TRPM6: variants seen among roughly 807,000 people sequenced by gnomAD.
TRPM6 encodes the protein transient receptor potential cation channel subfamily M member 6.
TRPM6 carries 111 observed loss-of-function variants against 247.6 expected under a neutral mutation model. That is an observed-to-expected ratio of 0.45 (90% CI 0.38 to 0.52). TRPM6 has a LOEUF of 0.52. Ranked by LOEUF, TRPM6 falls within the 20% of genes least tolerant of loss-of-function variation. The pLI is 0.00. For synonymous variants in TRPM6, 892 were observed against 853.8 expected (o/e 1.04, Z -0.78); for missense variants, 2,126 against 2,421.5 (o/e 0.88, Z 2.56).
intron 32 of TRPM6, 136 bp downstream of exon 32, chr9:74,743,959 T>C: frequency 1.2e-6 from 1 of 845,992 alleles, no homozygotes; most frequent in South Asian, 1.5e-5. Context: ...GGAATGTTCT[T>C]CCCATCAAAG....
At chr9:74,845,544 A>G (rs1830082386) in intron 3 of TRPM6, among the ~76,000 whole-genome samples, 1 of 152,194 alleles carries the variant, frequency 6.6e-6, no homozygotes, top group African/African-American at 2.4e-5. Flanking sequence ...ACAAAAAGAT[A>G]AACAGGCCAA....
rs1587516098 is a variant in TRPM6, at chr9:74,796,986, A to G, written c.2239-93T>C. 3.5e-6 allele frequency: 4 copies of G among 1,148,290 alleles called. No homozygotes were observed. In the East Asian group the frequency reaches 1.0e-4, roughly 29 times the overall value. The allele number at this position is 1,148,290 out of a possible 1,614,324, so 71.1% of individuals were successfully genotyped here. On this transcript the variant is annotated intron_variant, in intron 17 of 38. Transcript: ENST00000360774. ...AATTAAGAATTTCAGTGTATATAAA[A>G]TGCCAGACCCATCCCAGTCAATTTT...
intron 31 of TRPM6, among the ~76,000 whole-genome samples, chr9:74,745,123 A>G (rs1825991287): frequency 6.6e-6 from 1 of 152,264 alleles, no homozygotes; most frequent in Non-Finnish European, 1.5e-5. Context: ...ATACAGTTAA[A>G]GTAATATACG....
At chr9:74,828,312 C>T (rs7873787) in intron 6 of TRPM6, among the ~76,000 whole-genome samples, 2 of 151,930 alleles carry the variant, frequency 1.3e-5, no homozygotes, top group African/African-American at 2.4e-5. Flanking sequence ...GGTGAGATCG[C>T]GCCACTGCAC....
At chr9:74,763,904 C>T (rs1826739147) in intron 25 of TRPM6, among the ~76,000 whole-genome samples, 2 of 152,116 alleles carry the variant, frequency 1.3e-5, no homozygotes, top group Admixed American at 1.3e-4. Context: ...CCTGTAATCC[C>T]AGCACTGTGG....
chr9:74,857,792 G>A (rs1830572399), intron 2 of TRPM6: 1 of 152,188 alleles, frequency 6.6e-6, no homozygotes, highest in Non-Finnish European at 1.5e-5. Context: ...AAAGTCTATG[G>A]AAGGAAAACG....
intron 13 of TRPM6, among the ~76,000 whole-genome samples, 191 bp from the exon 14 acceptor site, chr9:74,808,365 C>G (rs1277914798): frequency 6.6e-6 from 1 of 152,152 alleles, no homozygotes; most frequent in Non-Finnish European, 1.5e-5. Context: ...ATATCTTAGC[C>G]TTAATGTTTT....
intron 3 of TRPM6, among the ~76,000 whole-genome samples, chr9:74,842,820 T>C (rs1047102457): frequency 2.0e-5 from 3 of 152,220 alleles, no homozygotes; most frequent in African/African-American, 4.8e-5. Flanking sequence ...TTGTAATCTA[T>C]GTGCTGGTGA....
chr9:74,830,384 G>GTTTTGTTTTTTTTTGT, intron 6 of TRPM6, among the ~76,000 whole-genome samples: 1 of 150,398 alleles, frequency 6.6e-6, no homozygotes, highest in Admixed American at 6.6e-5. Context: ...GGGTTTTTTT[G>GTTTTGTTTTTTTTTGT]TTTGTTTGTT....
Position 74,739,805 on chromosome 9 carries a change from A to G in TRPM6, c.5405T>C (p.Ile1802Thr). ...DDILKPGQVF[I>T]VKSFLPEVVR... ...AACCTCAGGAAGAAAGGACTTGACA[A>G]TGAAAACTTGTCCCGGCTTGAGAAT... is the stretch of plus-strand genomic sequence containing the variant. Residue 1802 changes from isoleucine (I) to threonine (T), a missense_variant, in exon 34 of 39, where the codon ATT becomes ACT. Transcript: ENST00000360774. 1.2e-6 allele frequency: 2 copies of G among 1,614,180 alleles called. No individual in the cohort carries two copies. The highest frequency in any genetic ancestry group is 2.2e-5 in the East Asian group (1 of 44,884).
intron 19 of TRPM6, among the ~76,000 whole-genome samples, chr9:74,789,960 CAAAAAAA>C (rs71368680): frequency 8.6e-4 from 56 of 65,142 alleles, no homozygotes; most frequent in East Asian, 8.4e-3. Context: ...GACTCCATCT[CAAAAAAA>C]AAAAAAAAAA....
In TRPM6 at chr9:74,814,966, T is replaced by C. The variant is rs7850800; in HGVS notation, c.1308+1703A>G. Among the ~76,000 whole-genome samples the C allele has an allele frequency of 4.3e-3, 656 of 152,054 alleles. 6 individuals carry two copies. The highest frequency in any genetic ancestry group is 0.015 in the African/African-American group (620 of 41,480). ...CTATCTCAAAAATAAATAAATTAGT[T>C]AATTGATTATTAAAATTAAAATAAA... On this transcript the variant is annotated intron_variant, in intron 11 of 38. Transcript: ENST00000360774.
intron 7 of TRPM6, 136 bp downstream of exon 7, chr9:74,827,642 A>C: frequency 2.3e-6 from 2 of 856,018 alleles, no homozygotes; most frequent in Non-Finnish European, 4.0e-6. Flanking sequence ...CCATGTGGGA[A>C]GGGGGGTGGC....
intron 1 of TRPM6, among the ~76,000 whole-genome samples, chr9:74,880,329 G>A (rs928458751): frequency 6.6e-6 from 1 of 152,014 alleles, no homozygotes. Context: ...AGATGTAGAC[G>A]TCCGGAAACA....
intron 3 of TRPM6, among the ~76,000 whole-genome samples, chr9:74,847,463 A>G (rs898100111): frequency 1.2e-4 from 18 of 152,088 alleles, no homozygotes; most frequent in African/African-American, 4.3e-4. Flanking sequence ...ATTTTTAATC[A>G]TTATTTTAAG....
chr9:74,804,514 T>A (rs1213622810), intron 14 of TRPM6: 12 of 714,430 alleles, frequency 1.7e-5, no homozygotes. Flanking sequence ...CCTGAAGAGA[T>A]TGAAAAAGAA....
At chr9:74,853,241 G>C (rs552137055) in intron 3 of TRPM6, among the ~76,000 whole-genome samples, 76 of 152,078 alleles carry the variant, frequency 5.0e-4, no homozygotes, top group South Asian at 1.7e-3. Flanking sequence ...GAAGTGAGGA[G>C]CCCCTCCGCC....
At chr9:74,751,446 G>C (rs1826241509) in intron 29 of TRPM6, among the ~76,000 whole-genome samples, 1 of 152,190 alleles carries the variant, frequency 6.6e-6, no homozygotes, top group Non-Finnish European at 1.5e-5. Flanking sequence ...TTACCCTCAA[G>C]TAGTCTGACA....
At position 74,827,854 on chromosome 9, in the gene TRPM6, G is replaced by A. The variant is rs753317607; in HGVS notation, c.765C>T (p.Thr255=). 2.5e-6 allele frequency: 4 copies of A among 1,613,946 alleles called. No individual in the cohort carries two copies. Among genetic ancestry groups the A allele is most frequent in the Admixed American group, 1.7e-5 (1 of 59,982 alleles). Residue 255 remains threonine (T), a synonymous_variant, in exon 7 of 39, where the codon ACC becomes ACT. Coordinates refer to ENST00000360774, the MANE Select transcript of TRPM6 (RefSeq NM_017662.5). ...TCATTTCATTTCCATACTTGCCCACGGTCCCATCATCAGACAGGATGAAGT... is the reference window on the plus strand; with the variant it reads ...TCATTTCATTTCCATACTTGCCCACAGTCCCATCATCAGACAGGATGAAGT... The part of the protein sequence containing the change: ...HSHFILSDDG[T]VGKYGNEMKL...
Sources: gnomAD v4.1 joint callset for allele counts (sites outside exome capture counted in the v4.1 genomes callset) on GRCh38, gnomAD v4.1.1 for gene constraint, MANE v1.5 for transcripts, NCBI Gene and HGNC (gene_info 2026-07-23, HGNC 2026-07-21) for gene names.